TBC1D2B: variants seen among roughly 807,000 people sequenced by gnomAD.
TBC1D2B encodes TBC1 domain family member 2B.
In TBC1D2B, 64 loss-of-function variants were observed where a neutral mutation model predicts 100.8. The observed-to-expected ratio is 0.64, with a 90% CI of 0.52 to 0.78. The LOEUF is 0.78. TBC1D2B is among the 30% of genes least tolerant of loss of function. TBC1D2B has a pLI of 0.00. For missense variants in TBC1D2B, 1,052 were observed against 1,218.4 expected (o/e 0.86, Z 2.03); for synonymous variants, 480 against 479.7 (o/e 1.00, Z -0.01).
chr15:78,032,769 G>A lies in TBC1D2B; in HGVS notation c.684-2599C>T, dbSNP rs1385961059. On this transcript the variant is annotated intron_variant, in intron 3 of 12. Coordinates refer to ENST00000300584, the MANE Select transcript of TBC1D2B (RefSeq NM_144572.2). ...CAAGAGCAGAGTAGGTATTGTGGAA[G>A]GAAAGACTAGAAAATTGGATGACCC... Among the ~76,000 whole-genome samples the A allele has an allele frequency of 3.3e-5, 5 of 152,088 alleles. No individual in the cohort carries two copies. The Middle Eastern group carries it at 0.01, about 310-fold the overall frequency.
intron 3 of TBC1D2B, among the ~76,000 whole-genome samples, chr15:78,041,236 T>C (rs956586706): frequency 5.3e-5 from 8 of 152,262 alleles, no homozygotes; most frequent in Non-Finnish European, 8.8e-5. Context: ...ATTCCTTTTT[T>C]ATATTTCACG....
At chr15:78,051,037 A>C (rs944946994) in intron 2 of TBC1D2B, among the ~76,000 whole-genome samples, 1 of 152,214 alleles carries the variant, frequency 6.6e-6, no homozygotes, top group Non-Finnish European at 1.5e-5. Flanking sequence ...TGCCACCCCC[A>C]GGGGCAGCTA....
At chr15:78,053,951 T>C in intron 2 of TBC1D2B, 83 bp downstream of exon 2, 3 of 1,391,950 alleles carry the variant, frequency 2.2e-6, no homozygotes, top group African/African-American at 1.5e-5. Context: ...TCTAAATTCA[T>C]TTTCATTCAC....
In TBC1D2B at chr15:78,024,342, C is replaced by T. The variant is rs746326988; in HGVS notation, c.1284G>A (p.Thr428=). The change falls in exon 6 of 13, where the codon ACG becomes ACA. Residue 428 remains threonine, a synonymous_variant. Coordinates refer to ENST00000300584, the MANE Select transcript of TBC1D2B (RefSeq NM_144572.2). ...EKESLQQEVR[T]LKSKVGELNE... is the part of the protein sequence containing the mutation. ...TGAGCTCGCCCACTTTGCTCTTCAG[C>T]GTCCTTACTTCCTGCTGAAGACTCT... The T allele has an allele frequency of 4.3e-6, 7 of 1,613,958 alleles. No individual in the cohort carries two copies. The highest frequency in any genetic ancestry group is 2.2e-5 in the East Asian group (1 of 44,904).
chr15:78,003,265 A>AGT (rs1352380389), intron 11 of TBC1D2B, 40 bp downstream of exon 11: 1 of 1,583,284 alleles, frequency 6.3e-7, no homozygotes. Flanking sequence ...ACGGTTGTCA[A>AGT]GTGTGTATAT....
intron 1 of TBC1D2B, among the ~76,000 whole-genome samples, chr15:78,061,559 C>T (rs533107952): frequency 6.7e-5 from 10 of 149,242 alleles, no homozygotes; most frequent in African/African-American, 1.7e-4. Context: ...GGTGACAGAG[C>T]GAGACCCTGT....
rs2072600483 is a variant in TBC1D2B, at chr15:78,024,357, C to T, written c.1269G>A (p.Gln423=). 1.2e-6 allele frequency: 2 copies of T among 1,613,960 alleles called. No individual in the cohort carries two copies. Among genetic ancestry groups the T allele is most frequent in the African/African-American group, 2.7e-5 (2 of 74,940 alleles). Residue 423 remains glutamine, a synonymous_variant, in exon 6 of 13, where the codon CAG becomes CAA. Coordinates refer to ENST00000300584, the MANE Select transcript of TBC1D2B (RefSeq NM_144572.2). The stretch of plus-strand genomic sequence containing the variant: ...TGCTCTTCAGCGTCCTTACTTCCTG[C>T]TGAAGACTCTCCTTCTCCAAGCTGA... ...ERFSLEKESL[Q]QEVRTLKSKV... is the part of the protein sequence containing the mutation.
Position 78,077,684 on chromosome 15 carries a change from C to A in TBC1D2B, c.-32G>T, listed in dbSNP as rs1374968470. ...CGCGCGCCAACCGTAGGCGCCCGCG[C>A]CCTGCGCCTCCGCGCCGCGGCCGCT... is the stretch of plus-strand genomic sequence containing the variant. On this transcript the variant is annotated 5_prime_UTR_variant, in exon 1 of 13. Coordinates refer to ENST00000300584, the MANE Select transcript of TBC1D2B (RefSeq NM_144572.2). 11 of 986,036 alleles carry A rather than the reference C, an allele frequency of 1.1e-5. No homozygotes were observed. The highest frequency in any genetic ancestry group is 4.5e-5 in the South Asian group (1 of 22,080). The allele number at this position is 986,036 out of a possible 1,614,324, so 61.1% of individuals were successfully genotyped here.
At chr15:78,068,786 ACAAG>A (rs1158005264) in intron 1 of TBC1D2B, among the ~76,000 whole-genome samples, 1 of 152,258 alleles carries the variant, frequency 6.6e-6, no homozygotes, top group African/African-American at 2.4e-5. Context: ...AACACTAGTT[ACAAG>A]CCACTAACTA....
chr15:78,017,964 GAAA>G lies in TBC1D2B; in HGVS notation c.1471-10_1471-8del. 2.5e-6 allele frequency: 3 copies of G among 1,182,004 alleles called. No individual in the cohort carries two copies. The highest frequency in any genetic ancestry group is 2.3e-6 in the Non-Finnish European group (2 of 867,682). 73.2% of individuals were successfully genotyped at this position (1,182,004 alleles called of 1,614,324 possible). A position where few individuals can be genotyped will look rare whatever the true frequency, so the allele number is the denominator to read the frequency against. On this transcript the variant is annotated splice_region_variant and splice_polypyrimidine_tract_variant and intron_variant, in intron 6 of 12. Coordinates refer to ENST00000300584, the MANE Select transcript of TBC1D2B (RefSeq NM_144572.2). The stretch of plus-strand genomic sequence containing the variant: ...TGTACCCCTGTAGATTATCCTGTTA[GAAA>G]AAAAAAAAATCCCTGAATTCACATT...
intron 10 of TBC1D2B, among the ~76,000 whole-genome samples, chr15:78,006,627 G>A (rs1224553120): frequency 2.0e-5 from 3 of 152,214 alleles, no homozygotes; most frequent in African/African-American, 7.2e-5. Flanking sequence ...AGAGGCCTGA[G>A]TTCAAACCCC....
At chr15:78,057,728 T>C (rs532832548) in intron 1 of TBC1D2B, among the ~76,000 whole-genome samples, 1 of 152,268 alleles carries the variant, frequency 6.6e-6, no homozygotes, top group Admixed American at 6.5e-5. Context: ...GGCCAGACTG[T>C]CTGAAATGGC....
intron 3 of TBC1D2B, among the ~76,000 whole-genome samples, chr15:78,034,998 T>C (rs530320069): frequency 7.2e-5 from 11 of 151,992 alleles, no homozygotes; most frequent in Admixed American, 3.3e-4. Flanking sequence ...GGCGTTTTTT[T>C]AGCTGGTGTT....
intron 10 of TBC1D2B, among the ~76,000 whole-genome samples, chr15:78,005,722 C>T (rs1259084594): frequency 1.3e-5 from 2 of 152,180 alleles, no homozygotes; most frequent in South Asian, 2.1e-4. Flanking sequence ...ATGCTAACCA[C>T]GGTTCTCCAG....
chr15:78,071,202 A>C (rs183627526), intron 1 of TBC1D2B, among the ~76,000 whole-genome samples: 1 of 152,192 alleles, frequency 6.6e-6, no homozygotes, highest in Non-Finnish European at 1.5e-5. Flanking sequence ...TATTGGTATC[A>C]AGTGATCCTC....
In TBC1D2B at chr15:78,077,634, G is replaced by T; in HGVS notation, c.19C>A (p.Arg7=). 4.3e-6 allele frequency: 4 copies of T among 941,050 alleles called. No individual in the cohort carries two copies. Among genetic ancestry groups the T allele is most frequent in the Non-Finnish European group, 4.9e-6 (4 of 812,348 alleles). The allele number at this position is 941,050 out of a possible 1,614,324, so 58.3% of individuals were successfully genotyped here. MPGAGA[R]AEEGGGGGEG... ...CCGCCGCCGCCGCCCTCCTCCGCCC[G>T]GGCTCCGGCCCCCGGCATCGCTACC... Residue 7 remains arginine, a synonymous_variant, in exon 1 of 13, where the codon CGG becomes AGG. Coordinates refer to ENST00000300584, the MANE Select transcript of TBC1D2B (RefSeq NM_144572.2).
intron 4 of TBC1D2B, among the ~76,000 whole-genome samples, chr15:78,028,399 A>T (rs1427866357): frequency 6.6e-6 from 1 of 152,220 alleles, no homozygotes; most frequent in East Asian, 1.9e-4. Context: ...TTAACCCGGA[A>T]GGCGGAGGTT....
At chr15:78,051,322 T>C (rs1262710690) in intron 2 of TBC1D2B, among the ~76,000 whole-genome samples, 3 of 152,248 alleles carry the variant, frequency 2.0e-5, no homozygotes, top group Non-Finnish European at 2.9e-5. Context: ...CACTTAACAA[T>C]GCAGTTTCCC....
chr15:78,022,840 T>G (rs1397422149), intron 6 of TBC1D2B, among the ~76,000 whole-genome samples: 1 of 152,160 alleles, frequency 6.6e-6, no homozygotes, highest in Non-Finnish European at 1.5e-5. Context: ...TGAGCCACTA[T>G]GCACAGCCAA....
Sources: allele counts gnomAD v4.1 joint callset (sites outside exome capture counted in the v4.1 genomes callset), GRCh38; gene constraint gnomAD v4.1.1; transcripts MANE v1.5; gene names NCBI Gene and HGNC (gene_info 2026-07-23, HGNC 2026-07-21).